ASIC2: variants seen among roughly 807,000 people sequenced by gnomAD.
ASIC2 encodes acid sensing ion channel subunit 2, also known as acid-sensing ion channel 2.
Under a neutral mutation model 57.3 loss-of-function variants are expected in ASIC2, and 25 were observed. The observed-to-expected ratio is 0.44, with a 90% CI of 0.32 to 0.61. The LOEUF (loss-of-function observed/expected upper bound fraction) is 0.61, where lower values mean the gene tolerates loss of function less well. ASIC2 is among the 20% of genes least tolerant of loss of function. The probability of loss-of-function intolerance (pLI) is 0.06; values close to 1 mark genes in which losing one functional copy is unlikely to be tolerated. For missense variants in ASIC2, 641 were observed against 738.1 expected (o/e 0.87, Z 1.52); for synonymous variants, 319 against 307.5 (o/e 1.04, Z -0.39).
chr17:33,333,047 A>G (rs1182847238), intron 1 of ASIC2, among the ~76,000 whole-genome samples: 1 of 152,168 alleles, frequency 6.6e-6, no homozygotes, highest in Admixed American at 6.5e-5. Context: ...ACAATAATCA[A>G]TCTCTGGTCT....
intron 1 of ASIC2, among the ~76,000 whole-genome samples, chr17:33,604,641 G>A (rs1905184169): frequency 2.0e-5 from 3 of 152,066 alleles, no homozygotes; most frequent in Admixed American, 6.5e-5. Context: ...AGAAAGAGGC[G>A]AGGGGGTTAG....
intron 1 of ASIC2, among the ~76,000 whole-genome samples, chr17:33,212,125 A>T (rs8082191): frequency 0.38 from 57,041 of 152,080 alleles, 11,518 homozygotes; most frequent in East Asian, 0.56. Flanking sequence ...TGTTACTATG[A>T]GTGGTAGGCT....
At chr17:33,777,058 T>C (rs114990555) in intron 1 of ASIC2, among the ~76,000 whole-genome samples, 6,834 of 152,220 alleles carry the variant, frequency 0.045, 191 homozygotes, top group Middle Eastern at 0.092. Context: ...CCACAGCCCA[T>C]GTAAGCTGGC....
intron 1 of ASIC2, among the ~76,000 whole-genome samples, chr17:33,782,245 G>A (rs1425774254): frequency 2.6e-5 from 4 of 151,972 alleles, no homozygotes; most frequent in African/African-American, 9.7e-5. Flanking sequence ...CAGTCCTGGG[G>A]CCTTTATCTT....
intron 2 of ASIC2, among the ~76,000 whole-genome samples, chr17:33,090,542 G>T (rs995593683): frequency 4.6e-5 from 7 of 152,186 alleles, no homozygotes; most frequent in African/African-American, 1.7e-4. Flanking sequence ...AGAAAAAAAT[G>T]GAGAGAGAAT....
chr17:33,453,490 G>A (rs1912340464), intron 1 of ASIC2, among the ~76,000 whole-genome samples: 1 of 152,128 alleles, frequency 6.6e-6, no homozygotes, highest in African/African-American at 2.4e-5. Context: ...AGCGGAAGAT[G>A]TTCTCAGAGG....
intron 3 of ASIC2, chr17:33,052,571 C>T (rs1598254451): frequency 6.6e-6 from 1 of 152,296 alleles, no homozygotes; most frequent in Middle Eastern, 3.4e-3. Context: ...ACTCTCTCTT[C>T]AGGATAGATA....
At chr17:34,115,026 C>T (rs955739630) in intron 1 of ASIC2, among the ~76,000 whole-genome samples, 7 of 152,210 alleles carry the variant, frequency 4.6e-5, no homozygotes, top group Admixed American at 6.5e-5. Context: ...ACTTTCCCTC[C>T]GTTGCTCATT....
intron 1 of ASIC2, among the ~76,000 whole-genome samples, chr17:33,141,154 T>C (rs1161114362): frequency 6.6e-6 from 1 of 152,170 alleles, no homozygotes; most frequent in East Asian, 1.9e-4. Context: ...TCAGATTAGG[T>C]TTCTTGGGCA....
At chr17:33,129,476 A>G (rs2092336766) in intron 1 of ASIC2, among the ~76,000 whole-genome samples, 1 of 152,260 alleles carries the variant, frequency 6.6e-6, no homozygotes, top group Non-Finnish European at 1.5e-5. Flanking sequence ...TTGTACTGCC[A>G]TGGAGAATAG....
chr17:33,620,077 A>T (rs916136517), intron 1 of ASIC2, among the ~76,000 whole-genome samples: 8 of 152,082 alleles, frequency 5.3e-5, no homozygotes, highest in Non-Finnish European at 1.0e-4. Flanking sequence ...TATTCTTCTG[A>T]TCCTCTTTAA....
At chr17:33,196,149 A>G (rs7215616) in intron 1 of ASIC2, among the ~76,000 whole-genome samples, 38,674 of 152,128 alleles carry the variant, frequency 0.25, 6,833 homozygotes, top group African/African-American at 0.48. Context: ...AGCTCATTTC[A>G]TCGTTCCTAA....
At chr17:33,627,138 T>C (rs1442650498) in intron 1 of ASIC2, 1 of 152,216 alleles carries the variant, frequency 6.6e-6, no homozygotes, top group Non-Finnish European at 1.5e-5. Flanking sequence ...AATGCTGTCA[T>C]CCTGGAATGC....
At chr17:33,917,209 T>C (rs1915603085) in intron 1 of ASIC2, among the ~76,000 whole-genome samples, 1 of 151,838 alleles carries the variant, frequency 6.6e-6, no homozygotes, top group Non-Finnish European at 1.5e-5. Flanking sequence ...TGAGTCTCCC[T>C]CCTCTGGAGA....
chr17:33,971,895 T>C (rs1306663531), intron 1 of ASIC2, among the ~76,000 whole-genome samples: 1 of 152,132 alleles, frequency 6.6e-6, no homozygotes, highest in Non-Finnish European at 1.5e-5. Context: ...GTGATTCTGT[T>C]GACATTAGTA....
At chr17:33,509,817 A>C (rs1914376348) in intron 1 of ASIC2, among the ~76,000 whole-genome samples, 1 of 152,238 alleles carries the variant, frequency 6.6e-6, no homozygotes, top group African/African-American at 2.4e-5. Context: ...GGAACTGGTG[A>C]AAGCAAGGCT....
chr17:33,654,233 T>C (rs1468539032), intron 1 of ASIC2, among the ~76,000 whole-genome samples: 2 of 152,218 alleles, frequency 1.3e-5, no homozygotes, highest in African/African-American at 4.8e-5. Context: ...AAAGTGAGCA[T>C]ATCAAAAGAG....
chr17:33,447,732 G>A (rs1912078751), intron 1 of ASIC2, among the ~76,000 whole-genome samples: 2 of 152,098 alleles, frequency 1.3e-5, no homozygotes, highest in South Asian at 4.1e-4. Flanking sequence ...GATATATCTT[G>A]TAGAATCAGA....
chr17:34,144,965 C>G (rs1286968035), intron 1 of ASIC2, among the ~76,000 whole-genome samples: 2 of 152,174 alleles, frequency 1.3e-5, no homozygotes, highest in Non-Finnish European at 2.9e-5. Flanking sequence ...AGTCCATAAA[C>G]CTCTCAGTCT....
Sources: gnomAD v4.1 joint callset for allele counts (sites outside exome capture counted in the v4.1 genomes callset) on GRCh38, gnomAD v4.1.1 for gene constraint, MANE v1.5 for transcripts, NCBI Gene and HGNC (gene_info 2026-07-23, HGNC 2026-07-21) for gene names.